Variants in DGKK observed in about 807,000 individuals in gnomAD.
DGKK encodes the protein diacylglycerol kinase kappa.
A neutral mutation model predicts 92.2 loss-of-function variants in DGKK; 35 were observed. The observed-to-expected ratio is 0.38, with a 90% confidence interval of 0.29 to 0.50. The LOEUF (loss-of-function observed/expected upper bound fraction) is 0.50. DGKK is among the 20% of genes least tolerant of loss of function. The probability of loss-of-function intolerance (pLI) is 0.92; values close to 1 mark genes in which losing one functional copy is unlikely to be tolerated. For missense variants in DGKK, 910 were observed against 992.2 expected (o/e 0.92, Z 1.11); for synonymous variants, 368 against 360.6 (o/e 1.02, Z -0.23).
intron 1 of DGKK, among the ~76,000 whole-genome samples, chrX:50,463,039 G>T (rs1557233557): frequency 9.5e-6 from 1 of 105,799 alleles, no homozygotes; most frequent in African/African-American, 3.4e-5. Flanking sequence ...AAGAGATTTT[G>T]TGTGTGTGTG....
intron 17 of DGKK, among the ~76,000 whole-genome samples, chrX:50,383,891 GC>G (rs1298782783): frequency 2.7e-5 from 3 of 112,162 alleles, no homozygotes; most frequent in African/African-American, 9.7e-5. Flanking sequence ...AATAATAACT[GC>G]AAATGCATAT....
intron 1 of DGKK, among the ~76,000 whole-genome samples, chrX:50,468,993 G>C (rs1557234248): frequency 9.0e-6 from 1 of 110,686 alleles, no homozygotes; most frequent in Non-Finnish European, 1.9e-5. Flanking sequence ...AGGAAGAGTA[G>C]GGAGAGTGCA....
chrX:50,438,904 C>T (rs1172077140), intron 1 of DGKK, among the ~76,000 whole-genome samples: 2 of 111,276 alleles, frequency 1.8e-5, no homozygotes, highest in Non-Finnish European at 3.8e-5. Context: ...TTTAACACTG[C>T]GGGGATAGAC....
Position 50,368,945 on chromosome X carries a change from G to A in DGKK, c.3811C>T (p.Leu1271=). 1 of 1,208,076 alleles carries A rather than the reference G, an allele frequency of 8.3e-7. No homozygotes were observed. The highest frequency in any genetic ancestry group is 1.1e-6 in the Non-Finnish European group (1 of 893,259). ...DDPLTPSRSQ[L] is the part of the protein sequence containing the mutation. ...GTTCTTCCAGCTTTCAAGGGCTACA[G>A]TTGAGATCTCGATGGTGTTAGAGGA... Residue 1271 remains leucine, a synonymous_variant, in exon 28 of 28, where the codon CTG becomes TTG. Coordinates refer to ENST00000611977, the MANE Select transcript of DGKK (RefSeq NM_001013742.4).
chrX:50,461,454 G>GT (rs1174721544), intron 1 of DGKK, among the ~76,000 whole-genome samples: 9 of 112,143 alleles, frequency 8.0e-5, no homozygotes, highest in Non-Finnish European at 1.7e-4. Flanking sequence ...GAGTGGTGGG[G>GT]TACTAGATGA....
At position 50,369,249 on chromosome X, in the gene DGKK, G is replaced by A. The variant is rs782122329; in HGVS notation, c.3737-230C>T. On this transcript the variant is annotated intron_variant, in intron 27 of 27. Transcript: ENST00000611977. ...AATTTATGGAACTGATATTGACTCT[G>A]TCAGAGTCTTTAGAAATATTTGCAA... 2.4e-4 allele frequency among the ~76,000 whole-genome samples: 27 copies of A among 110,473 alleles called. 1 individual carries two copies. In the South Asian group the frequency reaches 7.9e-3, roughly 32 times the overall value.
chrX:50,376,231 G>A, intron 23 of DGKK, 66 bp from the exon 24 acceptor site: 5 of 1,138,102 alleles, frequency 4.4e-6, no homozygotes, highest in Non-Finnish European at 6.0e-6. Context: ...TGGGGCACTG[G>A]TGAGGGTTTG....
Position 50,391,429 on chromosome X carries a change from C to G in DGKK, c.1844+8G>C. ...GAGGCACAAGGGCCTGGTCTTTCAG[C>G]CACTTACCTGTCTAGGATCCTCACA... is the stretch of plus-strand genomic sequence containing the variant. On this transcript the variant is annotated splice_region_variant and intron_variant, in intron 11 of 27. Transcript: ENST00000611977. 8.3e-7 allele frequency: 1 copy of G among 1,209,685 alleles called. No individual in the cohort carries two copies.
At chrX:50,436,267 A>G (rs2147142119) in intron 1 of DGKK, among the ~76,000 whole-genome samples, 1 of 112,280 alleles carries the variant, frequency 8.9e-6, no homozygotes, top group South Asian at 3.7e-4. Flanking sequence ...TGTGGGAAGG[A>G]CTATGCTAAT....
At chrX:50,425,854 G>A (rs1925726527) in intron 1 of DGKK, among the ~76,000 whole-genome samples, 1 of 111,774 alleles carries the variant, frequency 8.9e-6, no homozygotes, top group African/African-American at 3.2e-5. Flanking sequence ...AGTCATCCAA[G>A]AGAAAACAAC....
In DGKK at chrX:50,461,017, G is replaced by A. The variant is rs1485801640; in HGVS notation, c.645+9017C>T. ...TCTGGATCTCCTTCTCCAAGGCCAA[G>A]TCACAAAAGCTAACTGGACAAATAA... is the stretch of plus-strand genomic sequence containing the variant. On this transcript the variant is annotated intron_variant, in intron 1 of 27. Coordinates refer to ENST00000611977, the MANE Select transcript of DGKK (RefSeq NM_001013742.4). Among the ~76,000 whole-genome samples, 51 of 110,933 alleles carry A rather than the reference G, an allele frequency of 4.6e-4. 1 individual carries two copies. In the Admixed American group the frequency reaches 4.8e-3, roughly 10 times the overall value.
At chrX:50,464,141 GT>G (rs57822841) in intron 1 of DGKK, among the ~76,000 whole-genome samples, 31,620 of 97,404 alleles carry the variant, frequency 0.32, 4,056 homozygotes, top group Admixed American at 0.38. Flanking sequence ...AAAAAAATCG[GT>G]TTTTTTTTTT....
At chrX:50,411,956 AC>A (rs1925316122) in intron 4 of DGKK, among the ~76,000 whole-genome samples, 2 of 111,807 alleles carry the variant, frequency 1.8e-5, no homozygotes, top group South Asian at 3.8e-4. Flanking sequence ...AATGCCTGGG[AC>A]CAAAAAGTGT....
intron 24 of DGKK, among the ~76,000 whole-genome samples, chrX:50,375,396 A>T (rs2147117714): frequency 8.9e-6 from 1 of 111,814 alleles, no homozygotes; most frequent in East Asian, 2.8e-4. Flanking sequence ...TTGTTGTCCT[A>T]GGCCAAAACC....
At chrX:50,385,214 G>A (rs1201123823) in intron 15 of DGKK, among the ~76,000 whole-genome samples, 1 of 111,468 alleles carries the variant, frequency 9.0e-6, no homozygotes, top group Non-Finnish European at 1.9e-5. Flanking sequence ...ATTTACTTAT[G>A]TGGCTTTTGT....
At chrX:50,465,336 G>T (rs782248625) in intron 1 of DGKK, among the ~76,000 whole-genome samples, 2 of 108,253 alleles carry the variant, frequency 1.8e-5, no homozygotes, top group African/African-American at 6.7e-5. Context: ...CTTTCTTTTC[G>T]TTTTTAAAAT....
chrX:50,414,452 C>T (rs1925382198), intron 4 of DGKK, among the ~76,000 whole-genome samples: 1 of 111,135 alleles, frequency 9.0e-6, no homozygotes, highest in Admixed American at 9.6e-5. Flanking sequence ...TCACATTTTA[C>T]TCCATAAATC....
intron 4 of DGKK, among the ~76,000 whole-genome samples, chrX:50,417,318 A>G (rs1557228642): frequency 9.1e-6 from 1 of 110,343 alleles, no homozygotes; most frequent in African/African-American, 3.3e-5. Context: ...AGCTTTAGGA[A>G]CATTAGATGG....
At chrX:50,397,242 A>G (rs978476172) in intron 8 of DGKK, among the ~76,000 whole-genome samples, 1 of 111,950 alleles carries the variant, frequency 8.9e-6, no homozygotes, top group Non-Finnish European at 1.9e-5. Context: ...TAATATAACC[A>G]TAGTGCCCTA....
Sources: gnomAD v4.1 joint callset for allele counts (sites outside exome capture counted in the v4.1 genomes callset) on GRCh38, gnomAD v4.1.1 for gene constraint, MANE v1.5 for transcripts, NCBI Gene and HGNC (gene_info 2026-07-23, HGNC 2026-07-21) for gene names.